CNTN5: variants seen among roughly 807,000 people sequenced by gnomAD.
CNTN5 encodes the protein contactin 5.
A neutral mutation model predicts 129.1 loss-of-function variants in CNTN5; 77 were observed. The ratio of observed to expected loss-of-function variants is 0.60; its 90% CI spans 0.50 to 0.72. The LOEUF is 0.72. Ranked by LOEUF, CNTN5 falls within the 30% of genes least tolerant of loss-of-function variation. The probability of loss-of-function intolerance (pLI) is 0.00; values close to 1 mark genes in which losing one functional copy is unlikely to be tolerated. For synonymous variants in CNTN5, 509 were observed against 465.6 expected (o/e 1.09, Z -1.20); for missense variants, 1,478 against 1,328.8 (o/e 1.11, Z -1.75).
chr11:100,103,746 A>G (rs1459023190), intron 13 of CNTN5, among the ~76,000 whole-genome samples: 1 of 152,146 alleles, frequency 6.6e-6, no homozygotes, highest in Admixed American at 6.6e-5. Flanking sequence ...GCAATGCTAC[A>G]AGGGAACTGG....
At chr11:99,528,384 C>T (rs1947568035) in intron 2 of CNTN5, among the ~76,000 whole-genome samples, 2 of 152,166 alleles carry the variant, frequency 1.3e-5, no homozygotes, top group Admixed American at 1.3e-4. Context: ...TACAGAAATA[C>T]ATCTAAAAGC....
chr11:99,738,791 T>C lies in CNTN5; in HGVS notation c.56-80753T>C, dbSNP rs151260273. On this transcript the variant is annotated intron_variant, in intron 3 of 24. Transcript: ENST00000524871. ...AACTCGTACTCTATCCCATAGGCAG[T>C]AGAGGGGGTTTTAGGCATGTAGAAG... Among the ~76,000 whole-genome samples, 568 of 152,230 alleles carry C rather than the reference T, an allele frequency of 3.7e-3. 6 individuals carry two copies. Among genetic ancestry groups the C allele is most frequent in the African/African-American group, 0.013 (536 of 41,550 alleles).
chr11:99,139,750 C>T (rs777216629), intron 1 of CNTN5, among the ~76,000 whole-genome samples: 1 of 151,998 alleles, frequency 6.6e-6, no homozygotes, highest in South Asian at 2.1e-4. Flanking sequence ...CTTTGATGTA[C>T]AAATATTTGA....
intron 9 of CNTN5, among the ~76,000 whole-genome samples, chr11:100,014,353 C>A (rs1940698244): frequency 6.6e-6 from 1 of 151,982 alleles, no homozygotes. Flanking sequence ...CCTCTCAAGT[C>A]CCCCCTCTCC....
At chr11:99,778,132 T>C (rs1158747961) in intron 3 of CNTN5, among the ~76,000 whole-genome samples, 1 of 151,890 alleles carries the variant, frequency 6.6e-6, no homozygotes, top group African/African-American at 2.4e-5. Flanking sequence ...TGTTTAAGCC[T>C]TGTTCTCTAT....
chr11:99,791,992 C>T (rs780613077), intron 3 of CNTN5, among the ~76,000 whole-genome samples: 1 of 151,672 alleles, frequency 6.6e-6, no homozygotes, highest in Non-Finnish European at 1.5e-5. Flanking sequence ...TTGTCAAAGG[C>T]TTTTGGTGGG....
chr11:100,253,220 G>T (rs373991903), intron 16 of CNTN5, among the ~76,000 whole-genome samples: 1 of 152,032 alleles, frequency 6.6e-6, no homozygotes, highest in Non-Finnish European at 1.5e-5. Context: ...AAACAGTAAA[G>T]GTCTCTGTAC....
rs374220461 is a variant in CNTN5, at chr11:99,721,785, A to C, written c.56-97759A>C. The stretch of plus-strand genomic sequence containing the variant: ...TGATAAGGAACTTGAACACATTTAC[A>C]AAAGAAAAACATACAACCCCATTTA... On this transcript the variant is annotated intron_variant, in intron 3 of 24. Transcript: ENST00000524871. 2.0e-5 allele frequency among the ~76,000 whole-genome samples: 3 copies of C among 152,170 alleles called. No individual in the cohort carries two copies. In the East Asian group the frequency reaches 5.8e-4, roughly 29 times the overall value.
intron 1 of CNTN5, among the ~76,000 whole-genome samples, chr11:99,158,073 A>G (rs1445369700): frequency 6.6e-6 from 1 of 152,190 alleles, no homozygotes; most frequent in Non-Finnish European, 1.5e-5. Context: ...GACAGTGACT[A>G]GGCACGGAAT....
intron 13 of CNTN5, among the ~76,000 whole-genome samples, chr11:100,170,123 T>C (rs1271868017): frequency 1.3e-5 from 2 of 152,018 alleles, no homozygotes; most frequent in Non-Finnish European, 2.9e-5. Context: ...ATAATAATAA[T>C]TGAACGCCTT....
chr11:99,260,333 C>T (rs1220765458), intron 1 of CNTN5, among the ~76,000 whole-genome samples: 1 of 151,642 alleles, frequency 6.6e-6, no homozygotes. Flanking sequence ...GTGGATAGTG[C>T]TCTTTACACA....
rs57144173 is a variant in CNTN5, at chr11:99,536,127, T to C, written c.-70-20018T>C. Reference sequence around the variant, plus strand: ...TTAACTGATGAAACTGCAATGTCTTTCTTTCAACCTCAGAAGCTAAGTATT... The same window carrying C: ...TTAACTGATGAAACTGCAATGTCTTCCTTTCAACCTCAGAAGCTAAGTATT... On this transcript the variant is annotated intron_variant, in intron 2 of 24. Coordinates refer to ENST00000524871, the MANE Select transcript of CNTN5 (RefSeq NM_014361.4). Among the ~76,000 whole-genome samples the C allele has an allele frequency of 6.4e-3, 969 of 152,268 alleles. 9 individuals carry two copies. Among genetic ancestry groups the C allele is most frequent in the African/African-American group, 0.022 (913 of 41,572 alleles).
At chr11:99,713,880 G>T (rs1393580801) in intron 3 of CNTN5, among the ~76,000 whole-genome samples, 5 of 151,894 alleles carry the variant, frequency 3.3e-5, no homozygotes, top group Non-Finnish European at 5.9e-5. Flanking sequence ...TAAATTATCT[G>T]CATAGCTGAG....
intron 1 of CNTN5, among the ~76,000 whole-genome samples, chr11:99,188,494 A>G (rs923363769): frequency 6.6e-6 from 1 of 151,826 alleles, no homozygotes; most frequent in Non-Finnish European, 1.5e-5. Flanking sequence ...GTGTATAGAA[A>G]CAGAGAAATT....
At chr11:99,190,153 T>C (rs1436533675) in intron 1 of CNTN5, among the ~76,000 whole-genome samples, 1 of 151,674 alleles carries the variant, frequency 6.6e-6, no homozygotes, top group Non-Finnish European at 1.5e-5. Context: ...GAAGAGACTG[T>C]CCTGTTCCAT....
chr11:100,152,439 C>G (rs531642251), intron 13 of CNTN5, among the ~76,000 whole-genome samples: 1 of 152,224 alleles, frequency 6.6e-6, no homozygotes, highest in African/African-American at 2.4e-5. Flanking sequence ...AACAAAAAAC[C>G]CCCGCTGAAT....
intron 16 of CNTN5, among the ~76,000 whole-genome samples, chr11:100,254,914 A>G (rs1238132010): frequency 6.6e-6 from 1 of 152,240 alleles, no homozygotes; most frequent in Non-Finnish European, 1.5e-5. Flanking sequence ...AGCCACTAAA[A>G]TATAAATACC....
chr11:99,829,413 A>C (rs1947067403), intron 4 of CNTN5, among the ~76,000 whole-genome samples: 1 of 152,092 alleles, frequency 6.6e-6, no homozygotes, highest in Non-Finnish European at 1.5e-5. Context: ...GTTTGAAAAT[A>C]ATCAAGAAAG....
At chr11:99,783,917 A>C (rs1217664094) in intron 3 of CNTN5, among the ~76,000 whole-genome samples, 2 of 151,844 alleles carry the variant, frequency 1.3e-5, no homozygotes, top group Non-Finnish European at 2.9e-5. Flanking sequence ...ACATGTATAC[A>C]TATGTAACTA....
Sources: gnomAD v4.1 joint callset for allele counts (sites outside exome capture counted in the v4.1 genomes callset) on GRCh38, gnomAD v4.1.1 for gene constraint, MANE v1.5 for transcripts, NCBI Gene and HGNC (gene_info 2026-07-23, HGNC 2026-07-21) for gene names.